The following ABCB4 variants were observed in gnomAD, a reference collection of about 807,000 sequenced individuals.
ABCB4 encodes ATP binding cassette subfamily B member 4, also known as phosphatidylcholine translocator ABCB4.
Under a neutral mutation model 145.7 loss-of-function variants are expected in ABCB4, and 76 were observed. That is an observed-to-expected ratio of 0.52 (90% CI 0.43 to 0.63). The LOEUF is 0.63. Ranked by LOEUF, ABCB4 falls within the 30% of genes least tolerant of loss-of-function variation. The pLI is 0.00. For missense variants in ABCB4, 1,234 were observed against 1,553.1 expected, an observed-to-expected ratio of 0.79 and a Z score of 3.45; for synonymous variants, 517 against 566.8, an observed-to-expected ratio of 0.91 and a Z score of 1.25.
intron 3 of ABCB4, among the ~76,000 whole-genome samples, chr7:87,470,450 G>A (rs1813286160): frequency 6.6e-6 from 1 of 151,962 alleles, no homozygotes. Flanking sequence ...CAGAATGGGA[G>A]AAAATTTTTG....
chr7:87,442,531 T>C (rs1811055900), intron 12 of ABCB4, among the ~76,000 whole-genome samples: 1 of 152,198 alleles, frequency 6.6e-6, no homozygotes. Context: ...TATATTGCAT[T>C]AATGTTAAAT....
chr7:87,402,780 T>C (rs1179713478), intron 27 of ABCB4, among the ~76,000 whole-genome samples: 1 of 152,140 alleles, frequency 6.6e-6, no homozygotes, highest in Non-Finnish European at 1.5e-5. Context: ...GGCAGGCGGA[T>C]CACAAGGTCA....
chr7:87,395,166 A>G, the ABCB4 span, among the ~76,000 whole-genome samples: 7 of 152,316 alleles, frequency 4.6e-5, no homozygotes, highest in East Asian at 1.4e-3. Flanking sequence ...AGCCAGTTTG[A>G]GTCCCACAGC....
intron 8 of ABCB4, 49 bp from the exon 9 acceptor site, chr7:87,447,254 A>C (rs1281647474): frequency 1.3e-6 from 2 of 1,575,080 alleles, no homozygotes; most frequent in East Asian, 2.2e-5. Flanking sequence ...ATAACAATCC[A>C]TAGTCCGAGT....
chr7:87,462,717 G>T (rs779984128), intron 4 of ABCB4, 41 bp downstream of exon 4: 1 of 1,602,934 alleles, frequency 6.2e-7, no homozygotes, highest in Non-Finnish European at 8.5e-7. Context: ...CCCAGTTAAA[G>T]AAATGCTATG....
At chr7:87,369,537 T>G in the ABCB4 span, 1 of 1,143,748 alleles carries the variant, frequency 8.7e-7, no homozygotes, top group East Asian at 2.5e-5. Flanking sequence ...TTGCTTGAAT[T>G]AAAATATACA....
intron 23 of ABCB4, among the ~76,000 whole-genome samples, chr7:87,409,945 AT>A (rs1010241735): frequency 2.6e-5 from 4 of 152,216 alleles, no homozygotes; most frequent in African/African-American, 9.6e-5. Flanking sequence ...TTTATTTACA[AT>A]TAAAATAACT....
chr7:87,384,373 A>T, the ABCB4 span, among the ~76,000 whole-genome samples: 1 of 152,110 alleles, frequency 6.6e-6, no homozygotes. Context: ...CTCTACTAAA[A>T]ATACAAAAAT....
At chr7:87,466,717 A>G (rs868566494) in intron 3 of ABCB4, among the ~76,000 whole-genome samples, 1 of 152,252 alleles carries the variant, frequency 6.6e-6, no homozygotes, top group Non-Finnish European at 1.5e-5. Context: ...GAAACTCTAC[A>G]AGCCAGAAGA....
Position 87,434,095 on chromosome 7 carries a change from ATT to A in ABCB4, c.1732-2532_1732-2531del, listed in dbSNP as rs756063095. Among the ~76,000 whole-genome samples, 452 of 118,002 alleles carry A rather than the reference ATT, an allele frequency of 3.8e-3. 4 individuals are homozygous for A. Among genetic ancestry groups the A allele is most frequent in the African/African-American group, 0.013 (406 of 31,160 alleles). The allele number at this position is 118,002 out of a possible 152,430, so 77.4% of individuals were successfully genotyped here. On this transcript the variant is annotated intron_variant, in intron 14 of 27. Coordinates refer to ENST00000649586, the MANE Select transcript of ABCB4 (RefSeq NM_000443.4). ...AAGTGCCCACCACCACACCTGGCTA[ATT>A]TTTTTTTTTTTTTTTTTTTGGATTT...
rs543477825 is a variant in ABCB4, at chr7:87,406,488, C to T, written c.3286G>A (p.Asp1096Asn). Residue 1096 changes from aspartate to asparagine, a missense_variant, in exon 26 of 28, where the codon GAT (aspartate) becomes AAT (asparagine). Transcript: ENST00000649586. ...YDPLAGTVLL[D>N]GQEAKKLNVQ... ...TTGAGTTTCTTTGCTTCTTGACCAT[C>T]GAGAAGCTGAAAACCAAAGTCCACA... 4.3e-6 allele frequency: 7 copies of T among 1,613,468 alleles called. No individual in the cohort carries two copies. Among genetic ancestry groups the T allele is most frequent in the Admixed American group, 1.7e-5 (1 of 59,958 alleles).
chr7:87,474,178 T>C (rs1236919148), intron 2 of ABCB4, among the ~76,000 whole-genome samples: 1 of 152,210 alleles, frequency 6.6e-6, no homozygotes, highest in South Asian at 2.1e-4. Context: ...ATAGCTCCTT[T>C]GCACACGCAT....
chr7:87,407,489 G>A (rs1415516275), intron 25 of ABCB4, among the ~76,000 whole-genome samples: 2 of 152,200 alleles, frequency 1.3e-5, no homozygotes, highest in Non-Finnish European at 2.9e-5. Context: ...CAAGGTTATG[G>A]CAGATACAAG....
downstream of ABCB4, chr7:87,398,561 G>A (rs763449853): frequency 1.2e-5 from 19 of 1,613,684 alleles, no homozygotes; most frequent in Middle Eastern, 1.7e-4. Context: ...ATCCTGTCCC[G>A]AGACTGATGC....
chr7:87,424,110 T>G, intron 16 of ABCB4, 58 bp from the exon 17 acceptor site: 1 of 1,611,822 alleles, frequency 6.2e-7, no homozygotes, highest in Non-Finnish European at 8.5e-7. Context: ...CCAGAGTCTG[T>G]AGACATAGAA....
chr7:87,411,546 T>C (rs1328928130), intron 23 of ABCB4, among the ~76,000 whole-genome samples: 1 of 152,208 alleles, frequency 6.6e-6, no homozygotes, highest in Non-Finnish European at 1.5e-5. Flanking sequence ...GTAAGCTATA[T>C]AACCCTGTTT....
In ABCB4 at chr7:87,462,897, G is replaced by T. The variant is rs8187789; in HGVS notation, c.147C>A (p.Ser49=). The T allele has an allele frequency of 1.2e-5, 19 of 1,613,550 alleles. No homozygotes were observed. Among genetic ancestry groups the T allele is most frequent in the Non-Finnish European group, 1.5e-5 (18 of 1,179,716 alleles). The part of the protein sequence containing the change: ...MIGVLTLFRY[S]DWQDKLFMSL... ...ACATAAACAATTTATCCTGCCAATC[G>T]GAGTATCGAAACTAAAAAAAGGAAA... The change falls in exon 4 of 28, where the codon TCC becomes TCA. Residue 49 remains serine, a synonymous_variant. Transcript: ENST00000649586.
At chr7:87,459,670 C>G (rs1251453315) in intron 4 of ABCB4, among the ~76,000 whole-genome samples, 1 of 151,998 alleles carries the variant, frequency 6.6e-6, no homozygotes. Context: ...AGACATCACA[C>G]CCACCCATTT....
intron 4 of ABCB4, among the ~76,000 whole-genome samples, chr7:87,460,795 A>AT (rs1812407321): frequency 6.6e-6 from 1 of 151,518 alleles, no homozygotes; most frequent in African/African-American, 2.4e-5. Flanking sequence ...GTGATTTCGT[A>AT]TTTTTTATAG....
Sources: allele counts gnomAD v4.1 joint callset (sites outside exome capture counted in the v4.1 genomes callset), GRCh38; gene constraint gnomAD v4.1.1; transcripts MANE v1.5; gene names NCBI Gene and HGNC (gene_info 2026-07-23, HGNC 2026-07-21).